Variants in AUTS2 observed in about 807,000 individuals in gnomAD.
AUTS2 encodes the protein activator of transcription and developmental regulator AUTS2.
AUTS2 carries 17 observed loss-of-function variants against 112.4 expected under a neutral mutation model. That is an observed-to-expected ratio of 0.15 (90% CI 0.10 to 0.23). The LOEUF is 0.23. Among genes scored for constraint, AUTS2 ranks in the 10% least tolerant of loss-of-function variants. The probability of loss-of-function intolerance (pLI) is 1.00; values close to 1 mark genes in which losing one functional copy is unlikely to be tolerated. For missense variants in AUTS2, 1,510 were observed against 1,701.6 expected, an observed-to-expected ratio of 0.89 and a Z score of 1.98; for synonymous variants, 751 against 702.7, an observed-to-expected ratio of 1.07 and a Z score of -1.09.
chr7:70,650,354 G>A (rs1162609127), intron 5 of AUTS2, among the ~76,000 whole-genome samples: 3 of 152,172 alleles, frequency 2.0e-5, no homozygotes, highest in African/African-American at 4.8e-5. Flanking sequence ...ACAGCATGGC[G>A]CCATGCAGTA....
At chr7:69,992,757 C>T (rs995799333) in intron 2 of AUTS2, among the ~76,000 whole-genome samples, 12 of 152,090 alleles carry the variant, frequency 7.9e-5, no homozygotes, top group African/African-American at 2.7e-4. Flanking sequence ...TGGTGGTGTG[C>T]GCCTGTAGTC....
intron 1 of AUTS2, among the ~76,000 whole-genome samples, chr7:69,611,643 A>G (rs1050614050): frequency 2.3e-4 from 35 of 152,222 alleles, no homozygotes; most frequent in African/African-American, 8.0e-4. Context: ...TTTTTTAAAA[A>G]TTGTAGGCCG....
At chr7:69,800,608 C>T (rs1427403966) in intron 1 of AUTS2, among the ~76,000 whole-genome samples, 1 of 152,196 alleles carries the variant, frequency 6.6e-6, no homozygotes, top group Non-Finnish European at 1.5e-5. Context: ...TATTGGCTTT[C>T]AGAAAGTGTC....
intron 4 of AUTS2, among the ~76,000 whole-genome samples, chr7:70,214,368 C>G (rs911251495): frequency 6.6e-6 from 1 of 152,190 alleles, no homozygotes; most frequent in Non-Finnish European, 1.5e-5. Flanking sequence ...CACTTATAAT[C>G]TGTTAATTAA....
chr7:69,832,777 A>G (rs1227993610), intron 1 of AUTS2, among the ~76,000 whole-genome samples: 1 of 152,200 alleles, frequency 6.6e-6, no homozygotes. Flanking sequence ...AGAAAAACCT[A>G]CAAGCATACT....
intron 2 of AUTS2, among the ~76,000 whole-genome samples, chr7:70,083,267 A>G (rs1447256037): frequency 4.6e-5 from 7 of 152,224 alleles, no homozygotes; most frequent in African/African-American, 1.7e-4. Context: ...CTGTGTAGGC[A>G]CCTTCTCCTG....
At chr7:69,921,703 A>T (rs1795821024) in intron 2 of AUTS2, among the ~76,000 whole-genome samples, 1 of 146,838 alleles carries the variant, frequency 6.8e-6, no homozygotes, top group Non-Finnish European at 1.5e-5. Context: ...CCCAGGAGGC[A>T]GTGAGCCGAG....
At chr7:70,671,641 G>C (rs1807648992) in intron 5 of AUTS2, among the ~76,000 whole-genome samples, 1 of 151,594 alleles carries the variant, frequency 6.6e-6, no homozygotes, top group African/African-American at 2.4e-5. Context: ...CTATCAGCCT[G>C]GGCATGGCAA....
chr7:70,263,869 C>T (rs1394372812), intron 4 of AUTS2, among the ~76,000 whole-genome samples: 2 of 152,164 alleles, frequency 1.3e-5, no homozygotes, highest in Admixed American at 6.5e-5. Flanking sequence ...TATGACTCTA[C>T]TTAATAATTT....
chr7:70,648,443 G>T (rs1282555950), intron 5 of AUTS2, among the ~76,000 whole-genome samples: 2 of 152,160 alleles, frequency 1.3e-5, no homozygotes, highest in Admixed American at 6.5e-5. Flanking sequence ...GTTCTGTGTT[G>T]TATATGTCTG....
chr7:69,844,756 T>C (rs1171223911), intron 1 of AUTS2, among the ~76,000 whole-genome samples: 1 of 152,186 alleles, frequency 6.6e-6, no homozygotes, highest in Non-Finnish European at 1.5e-5. Flanking sequence ...TGAATTCCTT[T>C]AGTTTTATCG....
At chr7:70,712,603 G>T (rs1051526671) in intron 6 of AUTS2, among the ~76,000 whole-genome samples, 6 of 152,128 alleles carry the variant, frequency 3.9e-5, no homozygotes, top group Admixed American at 6.5e-5. Flanking sequence ...AAACTCTGGG[G>T]TAGAGTCACA....
At chr7:70,357,093 G>A (rs1792046012) in intron 4 of AUTS2, among the ~76,000 whole-genome samples, 1 of 152,186 alleles carries the variant, frequency 6.6e-6, no homozygotes, top group African/African-American at 2.4e-5. Context: ...AGGTAGTTGG[G>A]CTCTAAGTGG....
intron 4 of AUTS2, among the ~76,000 whole-genome samples, chr7:70,157,352 C>T (rs1174601313): frequency 1.3e-5 from 2 of 152,132 alleles, no homozygotes; most frequent in Non-Finnish European, 2.9e-5. Flanking sequence ...AATCTTGGCT[C>T]ATTGCAGCCT....
chr7:70,088,467 A>G (rs948867726), intron 2 of AUTS2, among the ~76,000 whole-genome samples: 1 of 145,112 alleles, frequency 6.9e-6, no homozygotes, highest in African/African-American at 2.6e-5. Flanking sequence ...TCAGTTTTCT[A>G]TTTTATTTGG....
chr7:70,350,556 C>T (rs1791701785), intron 4 of AUTS2, among the ~76,000 whole-genome samples: 1 of 152,154 alleles, frequency 6.6e-6, no homozygotes, highest in Non-Finnish European at 1.5e-5. Context: ...GACTTATTCA[C>T]TATCACGAGA....
intron 2 of AUTS2, among the ~76,000 whole-genome samples, chr7:70,040,230 C>T (rs547733019): frequency 1.2e-4 from 18 of 152,222 alleles, no homozygotes; most frequent in Middle Eastern, 3.4e-3. Context: ...ATGTGTCAGT[C>T]TAGACTCATC....
chr7:69,604,386 A>G (rs1271132450), intron 1 of AUTS2, among the ~76,000 whole-genome samples: 1 of 152,268 alleles, frequency 6.6e-6, no homozygotes, highest in East Asian at 1.9e-4. Context: ...AAGAATATAG[A>G]GAAACCAAAC....
chr7:70,298,877 C>T (rs900152850), intron 4 of AUTS2, among the ~76,000 whole-genome samples: 22 of 152,208 alleles, frequency 1.4e-4, no homozygotes, highest in Non-Finnish European at 2.8e-4. Flanking sequence ...AACCAAAAGC[C>T]AGACAGCTCC....
Sources: allele counts gnomAD v4.1 joint callset (sites outside exome capture counted in the v4.1 genomes callset), GRCh38; gene constraint gnomAD v4.1.1; transcripts MANE v1.5; gene names NCBI Gene and HGNC (gene_info 2026-07-23, HGNC 2026-07-21).